MTDH: variants seen among roughly 807,000 people sequenced by gnomAD.
The protein encoded by MTDH is protein LYRIC.
A neutral mutation model predicts 72.7 loss-of-function variants in MTDH; 34 were observed. That is an observed-to-expected ratio of 0.47 (90% CI 0.36 to 0.62). MTDH has a LOEUF of 0.62. Among genes scored for constraint, MTDH ranks in the 20% least tolerant of loss-of-function variants. MTDH has a pLI of 0.00. For missense variants in MTDH, 677 were observed against 699.4 expected (o/e 0.97, Z 0.36); for synonymous variants, 266 against 268.9 (o/e 0.99, Z 0.10).
intron 2 of MTDH, among the ~76,000 whole-genome samples, chr8:97,669,300 C>T (rs1244814227): frequency 6.6e-6 from 1 of 152,088 alleles, no homozygotes; most frequent in African/African-American, 2.4e-5. Context: ...CAGGCACCTG[C>T]CACCACACCC....
intron 9 of MTDH, among the ~76,000 whole-genome samples, chr8:97,715,575 G>A (rs1256563122): frequency 6.6e-6 from 1 of 152,098 alleles, no homozygotes; most frequent in Non-Finnish European, 1.5e-5. Flanking sequence ...AAAATGAATG[G>A]GCATTAAGGT....
intron 9 of MTDH, among the ~76,000 whole-genome samples, 179 bp from the exon 10 acceptor site, chr8:97,718,862 AATTTTTGT>A (rs2131080202): frequency 6.6e-6 from 1 of 150,902 alleles, no homozygotes; most frequent in Non-Finnish European, 1.5e-5. Context: ...ACATGTGACT[AATTTTTGT>A]ATTTTTGTAG....
chr8:97,721,036 T>C (rs138004549), intron 10 of MTDH, among the ~76,000 whole-genome samples: 2 of 152,082 alleles, frequency 1.3e-5, no homozygotes, highest in African/African-American at 2.4e-5. Flanking sequence ...TTAATGTAGA[T>C]AAGTGAGAGA....
chr8:97,662,543 T>C (rs567290780), intron 2 of MTDH, among the ~76,000 whole-genome samples: 12 of 151,836 alleles, frequency 7.9e-5, no homozygotes, highest in Admixed American at 2.0e-4. Context: ...CCCAGCACTT[T>C]GGGAGCCCAA....
At chr8:97,714,948 C>T (rs745315294) in intron 9 of MTDH, among the ~76,000 whole-genome samples, 3 of 151,898 alleles carry the variant, frequency 2.0e-5, no homozygotes, top group Non-Finnish European at 4.4e-5. Flanking sequence ...GCCTCAGCTT[C>T]CCAAGTAGCT....
intron 3 of MTDH, among the ~76,000 whole-genome samples, chr8:97,687,010 T>C (rs1813392357): frequency 6.6e-6 from 1 of 152,194 alleles, no homozygotes; most frequent in African/African-American, 2.4e-5. Flanking sequence ...TCATTCATCT[T>C]GTCTTTGTCT....
intron 5 of MTDH, among the ~76,000 whole-genome samples, chr8:97,690,677 C>A (rs1329885791): frequency 6.6e-6 from 1 of 152,162 alleles, no homozygotes; most frequent in Non-Finnish European, 1.5e-5. Flanking sequence ...GAAATGTCTT[C>A]ATATTCTTAG....
intron 1 of MTDH, among the ~76,000 whole-genome samples, chr8:97,646,748 A>C (rs1401457891): frequency 1.3e-5 from 2 of 152,346 alleles, no homozygotes; most frequent in East Asian, 3.9e-4. Flanking sequence ...GGAAGTGGGG[A>C]GTAAATAAGT....
At chr8:97,670,937 T>TTTTTTG in intron 2 of MTDH, among the ~76,000 whole-genome samples, 1 of 145,276 alleles carries the variant, frequency 6.9e-6, no homozygotes, top group South Asian at 2.1e-4. Flanking sequence ...TTTTGTTTTT[T>TTTTTTG]TTGTTGTTGT....
At chr8:97,701,952 C>T (rs1008850962) in intron 7 of MTDH, among the ~76,000 whole-genome samples, 1 of 152,114 alleles carries the variant, frequency 6.6e-6, no homozygotes, top group African/African-American at 2.4e-5. Context: ...CTTTTTAAGT[C>T]CAGAGTTTCT....
intron 8 of MTDH, among the ~76,000 whole-genome samples, chr8:97,713,111 G>A (rs1251936219): frequency 6.6e-6 from 1 of 152,020 alleles, no homozygotes; most frequent in African/African-American, 2.4e-5. Context: ...TTGAGACGGA[G>A]TCTCACTCTT....
At chr8:97,650,314 A>G (rs1208133729) in intron 1 of MTDH, among the ~76,000 whole-genome samples, 1 of 150,148 alleles carries the variant, frequency 6.7e-6, no homozygotes, top group Admixed American at 6.6e-5. Context: ...TGGCTGTGTC[A>G]ACCAGGCTGG....
At chr8:97,672,953 A>G (rs892566403) in intron 2 of MTDH, among the ~76,000 whole-genome samples, 1 of 152,186 alleles carries the variant, frequency 6.6e-6, no homozygotes, top group African/African-American at 2.4e-5. Context: ...ACGATGGATC[A>G]TGTATACAAA....
intron 2 of MTDH, among the ~76,000 whole-genome samples, chr8:97,668,506 G>A (rs571543815): frequency 1.3e-5 from 2 of 151,994 alleles, no homozygotes; most frequent in Non-Finnish European, 2.9e-5. Context: ...GGATTTTAAT[G>A]TAATAGAATA....
chr8:97,709,623 ACT>A (rs1814537529), intron 8 of MTDH, among the ~76,000 whole-genome samples: 1 of 152,188 alleles, frequency 6.6e-6, no homozygotes, highest in Non-Finnish European at 1.5e-5. Context: ...ATGAATGGAA[ACT>A]CAACATGCTG....
intron 1 of MTDH, among the ~76,000 whole-genome samples, chr8:97,646,280 G>C (rs989227643): frequency 6.6e-6 from 1 of 152,172 alleles, no homozygotes; most frequent in Non-Finnish European, 1.5e-5. Context: ...ATTAAGAGAT[G>C]CAAGATACAT....
At chr8:97,716,687 G>A (rs993602066) in intron 9 of MTDH, among the ~76,000 whole-genome samples, 8 of 151,916 alleles carry the variant, frequency 5.3e-5, no homozygotes, top group African/African-American at 1.9e-4. Flanking sequence ...AAATTATATT[G>A]TTTTTTCTCT....
intron 2 of MTDH, among the ~76,000 whole-genome samples, chr8:97,664,328 C>T (rs1812294643): frequency 6.6e-6 from 1 of 151,812 alleles, no homozygotes; most frequent in African/African-American, 2.4e-5. Flanking sequence ...TGCACTCCAG[C>T]CTGGGTGACA....
In MTDH at chr8:97,702,134, G is replaced by A. The variant is rs376541755; in HGVS notation, c.1147+2282G>A. On this transcript the variant is annotated intron_variant, in intron 7 of 11. Transcript: ENST00000336273. ...TACATTAGATTTACATTTACAGTATGATATAATTAACATATTGGCCCTCCA... is the reference window on the plus strand; with the variant it reads ...TACATTAGATTTACATTTACAGTATAATATAATTAACATATTGGCCCTCCA... Among the ~76,000 whole-genome samples the A allele has an allele frequency of 3.9e-5, 6 of 152,274 alleles. No individual in the cohort carries two copies. In the East Asian group the frequency reaches 5.8e-4, roughly 15 times the overall value.
Sources: allele counts gnomAD v4.1 joint callset (sites outside exome capture counted in the v4.1 genomes callset), GRCh38; gene constraint gnomAD v4.1.1; transcripts MANE v1.5; gene names NCBI Gene and HGNC (gene_info 2026-07-23, HGNC 2026-07-21).